The following STARD9 variants were observed in gnomAD, a reference collection of about 807,000 sequenced individuals.
STARD9 encodes the protein StAR related lipid transfer domain containing 9, also known as stAR-related lipid transfer protein 9.
Under a neutral mutation model 399.8 loss-of-function variants are expected in STARD9, and 346 were observed. The observed-to-expected ratio is 0.87, with a 90% CI of 0.79 to 0.95. STARD9 has a LOEUF of 0.95. Among genes scored for constraint, STARD9 ranks in the 40% least tolerant of loss-of-function variants. The pLI, the probability that STARD9 is intolerant of heterozygous loss-of-function variation, is 0.00. For synonymous variants in STARD9, 2,203 were observed against 2,143.5 expected (o/e 1.03, Z -0.77); for missense variants, 5,832 against 5,667.5 (o/e 1.03, Z -0.93).
intron 26 of STARD9, among the ~76,000 whole-genome samples, chr15:42,699,392 C>CTTCTTTTTTTTT (rs2060911111): frequency 8.8e-6 from 1 of 113,280 alleles, no homozygotes; most frequent in East Asian, 2.5e-4. Flanking sequence ...TTTTTCTTTT[C>CTTCTTTTTTTTT]TTTTTTTTTT....
At chr15:42,578,911 G>T (rs971308530) in intron 1 of STARD9, among the ~76,000 whole-genome samples, 9 of 152,008 alleles carry the variant, frequency 5.9e-5, no homozygotes, top group Admixed American at 2.0e-4. Context: ...TCACAAACAG[G>T]GTCTTTTCAT....
intron 7 of STARD9, among the ~76,000 whole-genome samples, chr15:42,647,740 G>A (rs1239243599): frequency 6.6e-6 from 1 of 152,032 alleles, no homozygotes; most frequent in Non-Finnish European, 1.5e-5. Context: ...TGTAATCACT[G>A]ATTTTATTTG....
intron 25 of STARD9, 146 bp from the exon 26 acceptor site, chr15:42,695,597 T>G: frequency 1.1e-6 from 1 of 932,886 alleles, no homozygotes; most frequent in Non-Finnish European, 1.6e-6. Flanking sequence ...CCAGGGCATG[T>G]GAGGCTAAGT....
At chr15:42,622,518 C>G (rs892303219) in intron 3 of STARD9, among the ~76,000 whole-genome samples, 2 of 152,146 alleles carry the variant, frequency 1.3e-5, no homozygotes, top group Non-Finnish European at 2.9e-5. Context: ...CAGGCATGAG[C>G]CACTGCCCAG....
intron 21 of STARD9, 91 bp from the exon 22 acceptor site, chr15:42,682,013 G>T: frequency 1.2e-6 from 1 of 859,240 alleles, no homozygotes; most frequent in Non-Finnish European, 1.8e-6. Context: ...ACTCCACACA[G>T]GTCCAGCCAT....
chr15:42,596,547 C>G (rs568596982), intron 3 of STARD9, among the ~76,000 whole-genome samples: 1 of 152,306 alleles, frequency 6.6e-6, no homozygotes, highest in South Asian at 2.1e-4. Flanking sequence ...CATGCACAGG[C>G]AGACTGCTAA....
rs2060306435 is a variant in STARD9, at chr15:42,676,072, T to C, written c.1874+97T>C. 6.2e-6 allele frequency: 4 copies of C among 646,992 alleles called. No homozygotes were observed. In the Admixed American group the frequency reaches 8.9e-5, roughly 14 times the overall value. The allele number at this position is 646,992 out of a possible 1,614,324, so 40.1% of individuals were successfully genotyped here. A position where few individuals can be genotyped will look rare whatever the true frequency, so the allele number is the denominator to read the frequency against. On this transcript the variant is annotated intron_variant, in intron 20 of 32. Transcript: ENST00000290607. ...GGGTGGGGGTGGGGGGTGATTAATG[T>C]AGCAGCCAAGGTCTGAATGAGCCCT...
Position 42,684,241 on chromosome 15 carries a change from G to T in STARD9, c.2663G>T (p.Gly888Val). 8 of 1,537,268 alleles carry T rather than the reference G, an allele frequency of 5.2e-6. No homozygotes were observed. In the South Asian group the frequency reaches 9.5e-5, roughly 18 times the overall value. ...GCTGCTTCCTACCCTGCAAGGACAG[G>T]GTGCCTCCGCAAGAACGGCCTGCAT... ...PQAASYPART[G>V]CLRKNGLHSS... is the part of the protein sequence containing the mutation. The change falls in exon 23 of 33, where the codon GGG (glycine) becomes GTG (valine). Residue 888 changes from glycine to valine, a missense_variant. Transcript: ENST00000290607.
intron 15 of STARD9, among the ~76,000 whole-genome samples, chr15:42,667,091 A>G (rs763886086): frequency 5.3e-5 from 8 of 152,172 alleles, no homozygotes; most frequent in Non-Finnish European, 1.2e-4. Context: ...CTGGGATTAC[A>G]GGCATGAACC....
Position 42,579,776 on chromosome 15 carries a change from A to G in STARD9, c.48-3570A>G, listed in dbSNP as rs2058130426. Among the ~76,000 whole-genome samples the G allele has an allele frequency of 2.6e-5, 4 of 152,198 alleles. No homozygotes were observed. In the South Asian group the frequency reaches 8.3e-4, roughly 31 times the overall value. ...CAACTTCAAACTCAAAACATAAGAA[A>G]CTGCAATCTGAGAACAACTATCACA... On this transcript the variant is annotated intron_variant, in intron 1 of 32. Transcript: ENST00000290607.
chr15:42,638,205 G>T, intron 6 of STARD9, 118 bp downstream of exon 6: 1 of 907,192 alleles, frequency 1.1e-6, no homozygotes, highest in South Asian at 1.5e-5. Context: ...AAAAGCCACA[G>T]AAGAAATATC....
chr15:42,705,254 A>G (rs1188288482), intron 26 of STARD9, among the ~76,000 whole-genome samples: 1 of 152,158 alleles, frequency 6.6e-6, no homozygotes, highest in Non-Finnish European at 1.5e-5. Context: ...CCTTCCTATT[A>G]TCTTTAATGC....
intron 9 of STARD9, among the ~76,000 whole-genome samples, chr15:42,659,714 C>G (rs112458684): frequency 6.6e-6 from 1 of 152,046 alleles, no homozygotes; most frequent in African/African-American, 2.4e-5. Context: ...TTAGTAGAGA[C>G]GAGGTTTCAC....
rs867757809 is a variant in STARD9, at chr15:42,686,575, A to T, written c.4997A>T (p.Asp1666Val). ...AATGTCACTACAGCCACCAAAGCAG[A>T]CCATTGGTCCCAAGGCTGGGCTCCT... Reference protein sequence around the residue: ...HSNVTTATKADHWSQGWAPLR... With the variant: ...HSNVTTATKAVHWSQGWAPLR... Residue 1666 changes from aspartate to valine, a missense_variant, in exon 23 of 33, where the codon GAC (aspartate) becomes GTC (valine). Transcript: ENST00000290607. 3 of 1,537,476 alleles carry T rather than the reference A, an allele frequency of 2.0e-6. No homozygotes were observed. The highest frequency in any genetic ancestry group is 1.7e-4 in the Middle Eastern group (1 of 5,990).
chr15:42,687,538 C>T lies in STARD9; in HGVS notation c.5960C>T (p.Pro1987Leu). The T allele has an allele frequency of 6.5e-7, 1 of 1,536,908 alleles. No individual in the cohort carries two copies. The highest frequency in any genetic ancestry group is 1.4e-5 in the African/African-American group (1 of 73,134). Residue 1987 changes from proline (P) to leucine (L), a missense_variant, in exon 23 of 33, where the codon CCC (proline) becomes CTC (leucine). Physicochemically the swap from Pro to Leu is moderately conservative, Grantham distance 98. Transcript: ENST00000290607. ...ETGLLEKGLR[P>L]KDSSEEFKLP... is the part of the protein sequence containing the mutation. ...GGGCTTCTTGAAAAAGGTCTTCGTC[C>T]CAAAGATAGCTCAGAAGAGTTTAAG...
At chr15:42,635,793 A>G (rs942087720) in intron 4 of STARD9, among the ~76,000 whole-genome samples, 1 of 152,222 alleles carries the variant, frequency 6.6e-6, no homozygotes, top group Non-Finnish European at 1.5e-5. Context: ...TCTTAAGTGC[A>G]TGCTAGAGCT....
chr15:42,676,454 T>G (rs1295418345), intron 20 of STARD9, among the ~76,000 whole-genome samples: 2 of 152,186 alleles, frequency 1.3e-5, no homozygotes, highest in Admixed American at 1.3e-4. Flanking sequence ...GAGAAGGCTT[T>G]CTTTCTCATA....
chr15:42,700,334 T>G (rs2060939276), intron 26 of STARD9, among the ~76,000 whole-genome samples: 1 of 152,254 alleles, frequency 6.6e-6, no homozygotes, highest in South Asian at 2.1e-4. Flanking sequence ...AGTTCTGCTT[T>G]AGTTTTTTGA....
intron 7 of STARD9, among the ~76,000 whole-genome samples, chr15:42,645,946 G>T (rs2059637258): frequency 6.6e-6 from 1 of 152,008 alleles, no homozygotes; most frequent in Non-Finnish European, 1.5e-5. Context: ...GATCACCTGA[G>T]GTCAGGAGTT....
Sources: allele counts gnomAD v4.1 joint callset (sites outside exome capture counted in the v4.1 genomes callset), GRCh38; gene constraint gnomAD v4.1.1; transcripts MANE v1.5; gene names NCBI Gene and HGNC (gene_info 2026-07-23, HGNC 2026-07-21).